Variants in NMNAT3 observed in about 807,000 individuals in gnomAD.
NMNAT3 encodes nicotinamide nucleotide adenylyltransferase 3.
In NMNAT3, 21 loss-of-function variants were observed where a neutral mutation model predicts 24.8. The ratio of observed to expected loss-of-function variants is 0.85; its 90% CI spans 0.60 to 1.22. NMNAT3 has a LOEUF of 1.22. Ranked by LOEUF, NMNAT3 falls within the 50% of genes most tolerant of loss-of-function variation. The pLI is 0.00. For synonymous variants in NMNAT3, 136 were observed against 155.2 expected, an observed-to-expected ratio of 0.88 and a Z score of 0.92; for missense variants, 387 against 436.6, an observed-to-expected ratio of 0.89 and a Z score of 1.01.
chr3:139,577,530 G>A (rs1939514749), intron 5 of NMNAT3, among the ~76,000 whole-genome samples: 1 of 152,232 alleles, frequency 6.6e-6, no homozygotes, highest in Non-Finnish European at 1.5e-5. Flanking sequence ...GGAGGAGCAA[G>A]CGTCTGTTTC....
chr3:139,648,479 T>C (rs552376725), intron 1 of NMNAT3, among the ~76,000 whole-genome samples: 2 of 152,278 alleles, frequency 1.3e-5, no homozygotes, highest in Non-Finnish European at 2.9e-5. Flanking sequence ...GAGAAAAAAA[T>C]GCTTAGTTCT....
intron 2 of NMNAT3, among the ~76,000 whole-genome samples, chr3:139,629,012 T>C (rs2108314905): frequency 6.6e-6 from 1 of 152,332 alleles, no homozygotes; most frequent in South Asian, 2.1e-4. Flanking sequence ...GTGTTTAAGA[T>C]GGCTCCCAAT....
intron 3 of NMNAT3, among the ~76,000 whole-genome samples, chr3:139,611,262 A>T (rs1576641458): frequency 6.6e-6 from 1 of 152,196 alleles, no homozygotes; most frequent in Non-Finnish European, 1.5e-5. Context: ...GGTCATGGCC[A>T]CAGGAATAGG....
intron 1 of NMNAT3, among the ~76,000 whole-genome samples, chr3:139,665,694 G>A (rs1206100444): frequency 2.0e-5 from 3 of 148,648 alleles, no homozygotes; most frequent in Admixed American, 1.4e-4. Flanking sequence ...CTCAAGTAAA[G>A]CCCACAATAG....
chr3:139,615,339 C>T (rs1040279642), intron 3 of NMNAT3, among the ~76,000 whole-genome samples: 13 of 152,096 alleles, frequency 8.5e-5, no homozygotes, highest in African/African-American at 3.1e-4. Context: ...TACTGGGGTA[C>T]AACTATTTCT....
At chr3:139,588,055 A>G (rs889814614) in intron 3 of NMNAT3, among the ~76,000 whole-genome samples, 10 of 152,144 alleles carry the variant, frequency 6.6e-5, no homozygotes, top group Non-Finnish European at 1.5e-5. Context: ...AAAAATAACA[A>G]TTTGATCTAA....
chr3:139,658,614 ACT>A (rs2057319335), intron 1 of NMNAT3, among the ~76,000 whole-genome samples: 1 of 152,204 alleles, frequency 6.6e-6, no homozygotes, highest in African/African-American at 2.4e-5. Flanking sequence ...TTAATTTTTT[ACT>A]GTTTGTTTTA....
Position 139,628,032 on chromosome 3 carries a change from C to A in NMNAT3, c.-40-268G>T, listed in dbSNP as rs17314056. ...GACCTTAGAAGCTACTGGGCCAGGACTGGAACCAAGGCAGCCTGATCCCAG... is the reference window on the plus strand; with the variant it reads ...GACCTTAGAAGCTACTGGGCCAGGAATGGAACCAAGGCAGCCTGATCCCAG... On this transcript the variant is annotated intron_variant, in intron 2 of 6. Transcript: ENST00000643695. Among the ~76,000 whole-genome samples, 663 of 152,306 alleles carry A rather than the reference C, an allele frequency of 4.4e-3. 2 individuals are homozygous for A. The highest frequency in any genetic ancestry group is 7.3e-3 in the Non-Finnish European group (499 of 68,026).
chr3:139,625,009 T>C (rs1404476185), intron 3 of NMNAT3, among the ~76,000 whole-genome samples: 4 of 152,346 alleles, frequency 2.6e-5, no homozygotes, highest in Middle Eastern at 3.4e-3. Context: ...TTGCTTCTTA[T>C]GTATTTTGAA....
chr3:139,590,041 G>C (rs2054097981), intron 3 of NMNAT3, among the ~76,000 whole-genome samples: 1 of 152,216 alleles, frequency 6.6e-6, no homozygotes, highest in South Asian at 2.1e-4. Flanking sequence ...TGACAGTATA[G>C]TGGGTACAGA....
chr3:139,660,803 A>G (rs2057390704), intron 1 of NMNAT3, among the ~76,000 whole-genome samples: 1 of 148,076 alleles, frequency 6.8e-6, no homozygotes, highest in African/African-American at 2.5e-5. Flanking sequence ...ATAAGGAAAA[A>G]TACAAAGTAA....
At chr3:139,584,310 G>C (rs913141284) in intron 3 of NMNAT3, 6 of 157,752 alleles carry the variant, frequency 3.8e-5, no homozygotes, top group Non-Finnish European at 7.3e-5. Flanking sequence ...CTCTTCAGCC[G>C]AGCACGCAGC....
chr3:139,592,543 G>T (rs1261874778), intron 3 of NMNAT3, among the ~76,000 whole-genome samples: 4 of 152,146 alleles, frequency 2.6e-5, no homozygotes, highest in Admixed American at 2.0e-4. Context: ...TGAAATGAAG[G>T]AAAAAATGTT....
chr3:139,610,763 C>T (rs1407819773), intron 3 of NMNAT3, among the ~76,000 whole-genome samples: 2 of 152,148 alleles, frequency 1.3e-5, no homozygotes, highest in South Asian at 2.1e-4. Context: ...TCCCCCTTAT[C>T]TCAGATTGTA....
intron 3 of NMNAT3, among the ~76,000 whole-genome samples, chr3:139,609,118 A>G (rs2055077755): frequency 6.6e-6 from 1 of 152,220 alleles, no homozygotes; most frequent in Non-Finnish European, 1.5e-5. Context: ...GATGTATCAC[A>G]GTTTAATTAT....
Position 139,583,051 on chromosome 3 carries a change from A to G in NMNAT3, c.267T>C (p.Thr89=), listed in dbSNP as rs1034313243. ...TCAAATCACAGAACGCTTGTTCTTC[A>G]GTTCTTTTGCGTTTAAAAGATGACT... The change falls in exon 4 of 7, where the codon ACT becomes ACC. Residue 89 remains threonine, a synonymous_variant. Transcript: ENST00000643695. 6 of 1,607,690 alleles carry G rather than the reference A, an allele frequency of 3.7e-6. No individual in the cohort carries two copies. In the African/African-American group the frequency reaches 8.0e-5, roughly 22 times the overall value.
In NMNAT3 at chr3:139,674,278, G is replaced by A. The variant is rs74759608; in HGVS notation, c.-141+3427C>T. ...TGCCTTTCTATTCCTAATTCCTAGA[G>A]TGGCACATGGGTCTATGTGTATGTG... is the stretch of plus-strand genomic sequence containing the variant. On this transcript the variant is annotated intron_variant, in intron 1 of 6. Coordinates refer to ENST00000643695, the MANE Select transcript of NMNAT3 (RefSeq NM_001320510.2). Among the ~76,000 whole-genome samples, 766 of 152,332 alleles carry A rather than the reference G, an allele frequency of 5.0e-3. 7 individuals are homozygous for A. The highest frequency in any genetic ancestry group is 0.017 in the African/African-American group (703 of 41,564).
chr3:139,560,255 A>C lies in NMNAT3; in HGVS notation c.*755T>G, dbSNP rs1238129003. 1.3e-5 allele frequency: 2 copies of C among 152,640 alleles called. No individual in the cohort carries two copies. Among genetic ancestry groups the C allele is most frequent in the Non-Finnish European group, 2.9e-5 (2 of 68,034 alleles). 9.5% of individuals were successfully genotyped at this position (152,640 alleles called of 1,614,324 possible). On this transcript the variant is annotated 3_prime_UTR_variant, in exon 7 of 7. Transcript: ENST00000643695. ...TATTCAAACAGACAGGCAGTCATAA[A>C]ACATTAAAAAAGATCCTTTAAAACG... is the stretch of plus-strand genomic sequence containing the variant.
chr3:139,596,815 T>C (rs1346211865), intron 3 of NMNAT3, among the ~76,000 whole-genome samples: 3 of 151,264 alleles, frequency 2.0e-5, no homozygotes, highest in Admixed American at 6.6e-5. Context: ...CTGCCCTTGG[T>C]GCCCTTCATG....
Sources: gnomAD v4.1 joint callset for allele counts (sites outside exome capture counted in the v4.1 genomes callset) on GRCh38, gnomAD v4.1.1 for gene constraint, MANE v1.5 for transcripts, NCBI Gene and HGNC (gene_info 2026-07-23, HGNC 2026-07-21) for gene names.